STXBP5L: variants seen among roughly 807,000 people sequenced by gnomAD.
STXBP5L encodes the protein syntaxin-binding protein 5-like.
In STXBP5L, 65 loss-of-function variants were observed where a neutral mutation model predicts 144.5. That is an observed-to-expected ratio of 0.45 (90% CI 0.37 to 0.55). The LOEUF (loss-of-function observed/expected upper bound fraction) is 0.55, where lower values mean the gene tolerates loss of function less well. STXBP5L is among the 20% of genes least tolerant of loss of function. The probability of loss-of-function intolerance (pLI) is 0.00; values close to 1 mark genes in which losing one functional copy is unlikely to be tolerated. For missense variants in STXBP5L, 1,298 were observed against 1,405.5 expected, an observed-to-expected ratio of 0.92 and a Z score of 1.22; for synonymous variants, 505 against 469.6, an observed-to-expected ratio of 1.08 and a Z score of -0.97.
At chr3:121,211,080 ATTTG>A (rs1481412044) in intron 10 of STXBP5L, among the ~76,000 whole-genome samples, 1 of 152,136 alleles carries the variant, frequency 6.6e-6, no homozygotes, top group African/African-American at 2.4e-5. Context: ...ATGTTCTTCC[ATTTG>A]TTTGTGTCCT....
chr3:121,177,288 A>T (rs1335214822), intron 9 of STXBP5L, among the ~76,000 whole-genome samples: 2 of 152,122 alleles, frequency 1.3e-5, no homozygotes, highest in African/African-American at 2.4e-5. Context: ...ACTTTTTCTC[A>T]TCAAAGAACA....
rs573125516 is a variant in STXBP5L at position 121,190,799 on chromosome 3, C to T, written c.878-15124C>T. 5.5e-3 allele frequency among the ~76,000 whole-genome samples: 689 copies of T among 125,180 alleles called. 5 individuals carry two copies. Among genetic ancestry groups the T allele is most frequent in the African/African-American group, 0.018 (605 of 32,832 alleles). The allele number at this position is 125,180 out of a possible 152,430, so 82.1% of individuals were successfully genotyped here. A position where few individuals can be genotyped will look rare whatever the true frequency, so the allele number is the denominator to read the frequency against. On this transcript the variant is annotated intron_variant, in intron 9 of 26. Coordinates refer to ENST00000471454, the MANE Select transcript of STXBP5L (RefSeq NM_001308330.2). ...ATTCCCAGATGGGGCGGCTGCTGGGCGGAGGGGCTCCTCACTTCTCAGACG... is the reference window on the plus strand; with the variant it reads ...ATTCCCAGATGGGGCGGCTGCTGGGTGGAGGGGCTCCTCACTTCTCAGACG...
chr3:121,009,572 A>T (rs988296009), intron 3 of STXBP5L, among the ~76,000 whole-genome samples: 1 of 152,046 alleles, frequency 6.6e-6, no homozygotes, highest in African/African-American at 2.4e-5. Flanking sequence ...TTATTTAAAA[A>T]GCGCATTCTT....
intron 2 of STXBP5L, among the ~76,000 whole-genome samples, chr3:120,945,748 G>A (rs1710818468): frequency 6.6e-6 from 1 of 151,786 alleles, no homozygotes; most frequent in South Asian, 2.1e-4. Context: ...CAAAGCCAGA[G>A]TTGGCATCAG....
chr3:121,035,171 G>A (rs894627859), intron 3 of STXBP5L, among the ~76,000 whole-genome samples: 1 of 152,022 alleles, frequency 6.6e-6, no homozygotes, highest in Non-Finnish European at 1.5e-5. Flanking sequence ...TTGGCTATTC[G>A]TTCTGTTGAT....
chr3:121,062,004 A>G (rs376114565), intron 5 of STXBP5L, among the ~76,000 whole-genome samples: 2 of 152,196 alleles, frequency 1.3e-5, no homozygotes, highest in Non-Finnish European at 2.9e-5. Context: ...TGATCCTGTC[A>G]TTATGAAGCT....
chr3:121,346,960 G>C (rs2045017072), intron 20 of STXBP5L, among the ~76,000 whole-genome samples: 1 of 152,152 alleles, frequency 6.6e-6, no homozygotes, highest in Non-Finnish European at 1.5e-5. Context: ...AGTTTAATTA[G>C]ATCCCATTTG....
At chr3:121,068,312 T>C (rs552623896) in intron 5 of STXBP5L, among the ~76,000 whole-genome samples, 9 of 152,254 alleles carry the variant, frequency 5.9e-5, no homozygotes, top group Non-Finnish European at 1.3e-4. Context: ...GGTGACAATA[T>C]TAGTCTTATA....
intron 3 of STXBP5L, among the ~76,000 whole-genome samples, chr3:121,016,474 T>C (rs1174498957): frequency 6.6e-6 from 1 of 152,198 alleles, no homozygotes; most frequent in African/African-American, 2.4e-5. Flanking sequence ...ATGACTTTGA[T>C]GTACGTATCT....
chr3:121,070,135 A>C (rs1460933733), intron 5 of STXBP5L, among the ~76,000 whole-genome samples: 1 of 152,250 alleles, frequency 6.6e-6, no homozygotes, highest in Non-Finnish European at 1.5e-5. Context: ...TCAGCCGGAC[A>C]TATGTCCAGA....
chr3:121,008,016 A>G (rs976705969), intron 3 of STXBP5L, among the ~76,000 whole-genome samples: 2 of 151,804 alleles, frequency 1.3e-5, no homozygotes, highest in African/African-American at 4.8e-5. Context: ...GATATTTATC[A>G]TTTTTTCTTT....
At chr3:121,311,817 T>C (rs1407620105) in intron 19 of STXBP5L, among the ~76,000 whole-genome samples, 2 of 152,180 alleles carry the variant, frequency 1.3e-5, no homozygotes, top group Non-Finnish European at 2.9e-5. Flanking sequence ...ACCAATGACT[T>C]TCTTCACAGA....
chr3:121,179,545 A>C (rs1482054342), intron 9 of STXBP5L, among the ~76,000 whole-genome samples: 1 of 152,180 alleles, frequency 6.6e-6, no homozygotes, highest in African/African-American at 2.4e-5. Flanking sequence ...ATACCCCTAA[A>C]TGATCACACT....
At chr3:121,034,764 G>A (rs1946639799) in intron 3 of STXBP5L, among the ~76,000 whole-genome samples, 1 of 152,108 alleles carries the variant, frequency 6.6e-6, no homozygotes, top group African/African-American at 2.4e-5. Flanking sequence ...GGATTGAATA[G>A]TAGTTATATT....
intron 19 of STXBP5L, among the ~76,000 whole-genome samples, chr3:121,314,620 A>T (rs1304969288): frequency 6.7e-6 from 1 of 149,342 alleles, no homozygotes; most frequent in Non-Finnish European, 1.5e-5. Flanking sequence ...AGGGAGAGGG[A>T]GAGGGAGAGG....
intron 3 of STXBP5L, among the ~76,000 whole-genome samples, chr3:121,007,911 TATTC>T (rs1404572585): frequency 6.6e-6 from 1 of 152,048 alleles, no homozygotes; most frequent in African/African-American, 2.4e-5. Context: ...TTACAGGTGT[TATTC>T]ATTTATGACA....
At chr3:121,316,172 A>G (rs1181971085) in intron 19 of STXBP5L, among the ~76,000 whole-genome samples, 1 of 152,188 alleles carries the variant, frequency 6.6e-6, no homozygotes, top group Admixed American at 6.5e-5. Flanking sequence ...ACTATATAGT[A>G]TTTAATGATG....
intron 20 of STXBP5L, among the ~76,000 whole-genome samples, chr3:121,329,040 T>G (rs887935386): frequency 6.6e-6 from 1 of 151,970 alleles, no homozygotes; most frequent in African/African-American, 2.4e-5. Flanking sequence ...AATGCATATG[T>G]GTGTATGTAT....
chr3:121,213,758 C>T (rs992912868), intron 10 of STXBP5L, among the ~76,000 whole-genome samples: 3 of 152,078 alleles, frequency 2.0e-5, no homozygotes, highest in Admixed American at 2.0e-4. Context: ...CTCTCTTTTT[C>T]TATTGTTTGG....
Sources: gnomAD v4.1 joint callset for allele counts (sites outside exome capture counted in the v4.1 genomes callset) on GRCh38, gnomAD v4.1.1 for gene constraint, MANE v1.5 for transcripts, NCBI Gene and HGNC (gene_info 2026-07-23, HGNC 2026-07-21) for gene names.